The following IDUA variants were observed in gnomAD, a reference collection of about 807,000 sequenced individuals.
IDUA encodes the protein iduronidase alpha-L-.
In IDUA, 65 loss-of-function variants were observed where a neutral mutation model predicts 68.9. That is an observed-to-expected ratio of 0.94 (90% CI 0.77 to 1.16). The LOEUF (loss-of-function observed/expected upper bound fraction) is 1.16. Ranked by LOEUF, IDUA falls within the 50% of genes most tolerant of loss-of-function variation. IDUA has a pLI of 0.00. For synonymous variants in IDUA, 529 were observed against 433.6 expected, an observed-to-expected ratio of 1.22 and a Z score of -2.73; for missense variants, 1,046 against 938.0, an observed-to-expected ratio of 1.12 and a Z score of -1.50.
intron 1 of IDUA, 82 bp downstream of exon 1, chr4:987,324 C>T: frequency 7.6e-7 from 1 of 1,315,222 alleles, no homozygotes; most frequent in Non-Finnish European, 1.0e-6. Flanking sequence ...GTGAGAGCTT[C>T]AGAGACCGGA....
At position 990,684 on chromosome 4, in the gene IDUA, C is replaced by T. The variant is rs1049229290; in HGVS notation, c.299+2735C>T. ...TCTGGTATCAGAAGGCAACCCCTTC[C>T]TGCTGCTTCCTACACATGGTGCCCA... On this transcript the variant is annotated intron_variant, in intron 2 of 13. Transcript: ENST00000514224. 4 of 438,812 alleles carry T rather than the reference C, an allele frequency of 9.1e-6. No homozygotes were observed. In the Admixed American group the frequency reaches 1.6e-4, roughly 18 times the overall value. The allele number at this position is 438,812 out of a possible 1,614,324, so 27.2% of individuals were successfully genotyped here.
At position 1,001,899 on chromosome 4, in the gene IDUA, G is replaced by C. The variant is rs1413309758; in HGVS notation, c.792+18G>C. 2 of 1,570,318 alleles carry C rather than the reference G, an allele frequency of 1.3e-6. No homozygotes were observed. The highest frequency in any genetic ancestry group is 8.6e-7 in the Non-Finnish European group (1 of 1,159,538). On this transcript the variant is annotated intron_variant, in intron 6 of 13. Transcript: ENST00000514224. ...ACAGGAAGGTGCGCCCTGCCCCTCC[G>C]TCCGCCCCGGTGTTCTGCGCCCTCA...
intron 2 of IDUA, among the ~76,000 whole-genome samples, chr4:995,565 G>T (rs986492583): frequency 2.0e-5 from 3 of 152,214 alleles, no homozygotes; most frequent in Admixed American, 2.0e-4. Context: ...GGCACCTTGG[G>T]CAGCCTGACT....
rs1715010471 is a variant in IDUA at position 1,000,575 on chromosome 4, G to A, written c.300-37G>A. 3 of 1,511,886 alleles carry A rather than the reference G, an allele frequency of 2.0e-6. No homozygotes were observed. The African/African-American group carries it at 4.1e-5, about 21-fold the overall frequency. The allele number at this position is 1,511,886 out of a possible 1,614,324, so 93.7% of individuals were successfully genotyped here. A position where few individuals can be genotyped will look rare whatever the true frequency, so the allele number is the denominator to read the frequency against. On this transcript the variant is annotated intron_variant, in intron 2 of 13. Transcript: ENST00000514224. ...CCAGCCTGGAGCATGGAGCTGTGTGGGCACCCTGCTTCCTGACGCTGACCG... is the reference window on the plus strand; with the variant it reads ...CCAGCCTGGAGCATGGAGCTGTGTGAGCACCCTGCTTCCTGACGCTGACCG...
rs773471238 is a variant in IDUA at position 1,002,432 on chromosome 4, T to G, written c.1136T>G (p.Val379Gly). 5 of 1,565,148 alleles carry G rather than the reference T, an allele frequency of 3.2e-6. No homozygotes were observed. The change falls in exon 8 of 14, where the codon GTG (valine) becomes GGG (glycine). Residue 379 changes from valine (V) to glycine (G), a missense_variant. Val to Gly is a moderately radical substitution (Grantham distance 109). Coordinates refer to ENST00000514224, the MANE Select transcript of IDUA (RefSeq NM_000203.5). ...FQVNNTRPPH[V>G]QLLRKPVLTA... ...GTCAACAACACCCGCCCGCCGCACG[T>G]GCAGCTGTTGCGCAAGCCGGTGCTC...
At chr4:1,002,710 A>G in intron 8 of IDUA, 22 bp from the exon 9 acceptor site, 2 of 1,393,514 alleles carry the variant, frequency 1.4e-6, no homozygotes, top group South Asian at 1.3e-5. Context: ...CCACGCGGCG[A>G]CGGCCCCCCC....
intron 2 of IDUA, among the ~76,000 whole-genome samples, chr4:995,939 G>A (rs575942103): frequency 4.9e-4 from 74 of 151,980 alleles, no homozygotes; most frequent in Non-Finnish European, 8.6e-4. Flanking sequence ...CCAGGGTCTC[G>A]TACCCCAGAG....
intron 2 of IDUA, chr4:988,973 T>A (rs1486511209): frequency 2.5e-6 from 4 of 1,596,880 alleles, no homozygotes; most frequent in Non-Finnish European, 3.4e-6. Flanking sequence ...CTGCTCAGAA[T>A]GTCTCTCACA....
chr4:997,376 C>G (rs1714801445), intron 2 of IDUA, among the ~76,000 whole-genome samples: 1 of 150,996 alleles, frequency 6.6e-6, no homozygotes, highest in Non-Finnish European at 1.5e-5. Context: ...CCCTGCTCCC[C>G]ACCCCGCGCG....
At chr4:991,851 T>G in intron 2 of IDUA, 1 of 1,517,588 alleles carries the variant, frequency 6.6e-7, no homozygotes, top group Non-Finnish European at 8.8e-7. Flanking sequence ...CGGGGATTGG[T>G]GCTGGGCCTT....
Position 1,003,632 on chromosome 4 carries a change from G to C in IDUA, c.1727+7G>C, listed in dbSNP as rs1167057119. The C allele has an allele frequency of 1.2e-6, 2 of 1,612,100 alleles. No homozygotes were observed. The highest frequency in any genetic ancestry group is 1.7e-6 in the Non-Finnish European group (2 of 1,179,730). On this transcript the variant is annotated splice_region_variant and intron_variant, in intron 12 of 13. Coordinates refer to ENST00000514224, the MANE Select transcript of IDUA (RefSeq NM_000203.5). ...ATGAACACGTGGGCTCCAAGTGCGT[G>C]AGTGGGGCCGCCCCTCCCTCTGCCT...
intron 2 of IDUA, chr4:999,785 C>T (rs1349666965): frequency 1.9e-5 from 1 of 52,924 alleles, no homozygotes; most frequent in African/African-American, 1.0e-4. Context: ...ATGCAGGCCT[C>T]GTGGGAATTC....
chr4:995,353 CAA>C (rs57992789), intron 2 of IDUA, among the ~76,000 whole-genome samples: 32 of 138,254 alleles, frequency 2.3e-4, no homozygotes, highest in Admixed American at 8.7e-4. Flanking sequence ...AGTTCTGTCT[CAA>C]AAAAAAAAAA....
chr4:991,852 G>C, intron 2 of IDUA: 1 of 1,516,170 alleles, frequency 6.6e-7, no homozygotes, highest in South Asian at 1.2e-5. Context: ...GGGGATTGGT[G>C]CTGGGCCTTC....
chr4:1,002,171 C>A lies in IDUA; in HGVS notation c.972+10C>A, dbSNP rs1282009614. The A allele has an allele frequency of 2.6e-6, 4 of 1,556,438 alleles. No individual in the cohort carries two copies. The highest frequency in any genetic ancestry group is 1.9e-5 in the Admixed American group (1 of 51,594). ...GGCCATGGTGGTGAAGGTGGGCCGG[C>A]CCAACGCCCTGCGCGCCCCCCGGCC... On this transcript the variant is annotated intron_variant, in intron 7 of 13. Coordinates refer to ENST00000514224, the MANE Select transcript of IDUA (RefSeq NM_000203.5).
intron 2 of IDUA, chr4:989,865 C>A (rs759778057): frequency 1.9e-6 from 3 of 1,575,830 alleles, no homozygotes; most frequent in Non-Finnish European, 2.6e-6. Context: ...TCTCCGCCAG[C>A]GAGATGGAGA....
rs1715240366 is a variant in IDUA at position 1,003,403 on chromosome 4, C to T, written c.1583C>T (p.Pro528Leu). The change falls in exon 11 of 14, where the codon CCC becomes CTC. Residue 528 changes from proline (P) to leucine (L), a missense_variant. Physicochemically the swap from Pro to Leu is moderately conservative, Grantham distance 98. Transcript: ENST00000514224. ...GCCGGCGGCCGCCTGACCCTGCGCC[C>T]CGCGCTGCGGCTGCCGTCGCTTTTG... ...LPAGGRLTLRPALRLPSLLLV... is the reference protein window; with the variant it reads ...LPAGGRLTLRLALRLPSLLLV... 14 of 1,525,132 alleles carry T rather than the reference C, an allele frequency of 9.2e-6. No individual in the cohort carries two copies. The highest frequency in any genetic ancestry group is 1.4e-5 in the African/African-American group (1 of 71,788). 94.5% of individuals were successfully genotyped at this position (1,525,132 alleles called of 1,614,324 possible).
Position 995,663 on chromosome 4 carries a change from G to A in IDUA, c.300-4949G>A, listed in dbSNP as rs575679042. ...GTCTCGCAGAACCAGCTGATGTGCC[G>A]GGGCTCCATTTCCCCAAGACGAGGA... On this transcript the variant is annotated intron_variant, in intron 2 of 13. Coordinates refer to ENST00000514224, the MANE Select transcript of IDUA (RefSeq NM_000203.5). 1.3e-4 allele frequency among the ~76,000 whole-genome samples: 20 copies of A among 152,350 alleles called. No individual in the cohort carries two copies. The East Asian group carries it at 1.4e-3, about 10-fold the overall frequency.
At chr4:989,919 AC>A in intron 2 of IDUA, 1 of 1,560,126 alleles carries the variant, frequency 6.4e-7, no homozygotes. Context: ...CCAAAGCCAC[AC>A]GCTGCATCAG....
Sources: gnomAD v4.1 joint callset for allele counts (sites outside exome capture counted in the v4.1 genomes callset) on GRCh38, gnomAD v4.1.1 for gene constraint, MANE v1.5 for transcripts, NCBI Gene and HGNC (gene_info 2026-07-23, HGNC 2026-07-21) for gene names.